The following ERCC4 variants were observed in gnomAD, a reference collection of about 807,000 sequenced individuals.
The protein encoded by ERCC4 is DNA repair endonuclease XPF.
ERCC4 carries 65 observed loss-of-function variants against 76.9 expected under a neutral mutation model. That is an observed-to-expected ratio of 0.84 (90% CI 0.69 to 1.04). The LOEUF is 1.04. ERCC4 is among the 50% of genes least tolerant of loss of function. The pLI is 0.00. For synonymous variants in ERCC4, 463 were observed against 410.1 expected (o/e 1.13, Z -1.56); for missense variants, 1,214 against 1,128.2 (o/e 1.08, Z -1.09).
In ERCC4 at chr16:13,948,059, A is replaced by G. The variant is rs2020953; in HGVS notation, c.2463A>G (p.Pro821=). 1.2e-3 allele frequency: 1,996 copies of G among 1,614,184 alleles called. 29 individuals carry two copies. The African/African-American group carries it at 0.022, about 18-fold the overall frequency. ...ELFEELKQSK[P]QPDAATALAI... ...TTGAGGAGCTGAAACAAAGCAAGCC[A>G]CAGCCTGATGCGGCGACAGCACTGG... The change falls in exon 11 of 11, where the codon CCA becomes CCG. Residue 821 remains proline, a synonymous_variant. Transcript: ENST00000311895.
rs2032620313 is a variant in ERCC4, at chr16:13,951,040, A to G, written c.*2693A>G. ...ATTTCTAATGAATTCTAAAATGGTC[A>G]TTGTAAGTGAAAGCCTCTCGCTACC... On this transcript the variant is annotated 3_prime_UTR_variant, in exon 11 of 11. Transcript: ENST00000311895. The G allele has an allele frequency of 5.3e-6, 1 of 188,662 alleles. No individual in the cohort carries two copies. Among genetic ancestry groups the G allele is most frequent in the Non-Finnish European group, 1.1e-5 (1 of 89,666 alleles). The allele number at this position is 188,662 out of a possible 1,614,324, so 11.7% of individuals were successfully genotyped here.
At chr16:13,923,175 C>G (rs972787704) in intron 2 of ERCC4, among the ~76,000 whole-genome samples, 7 of 152,152 alleles carry the variant, frequency 4.6e-5, no homozygotes, top group Non-Finnish European at 1.0e-4. Context: ...AGGGGCTGTG[C>G]CTCTGTGCCC....
intron 1 of ERCC4, among the ~76,000 whole-genome samples, chr16:13,921,149 G>A (rs1232412109): frequency 1.4e-5 from 2 of 143,646 alleles, no homozygotes; most frequent in Admixed American, 6.8e-5. Context: ...AGACATGAAA[G>A]GAGATGCTGA....
intron 4 of ERCC4, among the ~76,000 whole-genome samples, chr16:13,930,241 G>C (rs2032147414): frequency 6.6e-6 from 1 of 152,036 alleles, no homozygotes; most frequent in Non-Finnish European, 1.5e-5. Flanking sequence ...CATCGTGCTT[G>C]TGTATGCCCT....
intron 9 of ERCC4, among the ~76,000 whole-genome samples, chr16:13,940,698 G>A (rs538991104): frequency 6.6e-6 from 1 of 152,276 alleles, no homozygotes; most frequent in Admixed American, 6.5e-5. Flanking sequence ...AAATCACATC[G>A]TCAGCATAAA....
At chr16:13,924,760 A>G (rs147223436) in intron 2 of ERCC4, among the ~76,000 whole-genome samples, 158 of 152,342 alleles carry the variant, frequency 1.0e-3, no homozygotes, top group African/African-American at 3.5e-3. Flanking sequence ...ACTTGGTAGC[A>G]TGGCACATAG....
chr16:13,922,233 A>G (rs1380397272), intron 2 of ERCC4, 22 bp downstream of exon 2: 2 of 1,468,864 alleles, frequency 1.4e-6, no homozygotes, highest in Middle Eastern at 1.7e-4. Context: ...AAATCTTATT[A>G]TTAGTATGTA....
chr16:13,926,370 A>G (rs1040381834), intron 2 of ERCC4, among the ~76,000 whole-genome samples, 191 bp from the exon 3 acceptor site: 7 of 151,848 alleles, frequency 4.6e-5, no homozygotes, highest in Non-Finnish European at 7.4e-5. Context: ...AGCATCCTAA[A>G]TATTTTACGT....
intron 9 of ERCC4, among the ~76,000 whole-genome samples, chr16:13,940,468 G>A (rs1232035811): frequency 6.6e-6 from 1 of 152,176 alleles, no homozygotes; most frequent in Non-Finnish European, 1.5e-5. Context: ...CCAGGCCTAA[G>A]CTTCCAGGTG....
At chr16:13,924,150 C>G (rs1009198916) in intron 2 of ERCC4, among the ~76,000 whole-genome samples, 6 of 152,294 alleles carry the variant, frequency 3.9e-5, no homozygotes, top group Non-Finnish European at 8.8e-5. Context: ...GATCATCCCC[C>G]AGGACTGACC....
At chr16:13,939,243 A>C (rs545206862) in intron 9 of ERCC4, among the ~76,000 whole-genome samples, 1 of 152,300 alleles carries the variant, frequency 6.6e-6, no homozygotes, top group Admixed American at 6.5e-5. Context: ...TCAAAGAGTA[A>C]ACAGGTATTT....
chr16:13,922,054 G>T lies in ERCC4; in HGVS notation c.231G>T (p.Lys77Asn). The change falls in exon 2 of 11, where the codon AAG becomes AAT. Residue 77 changes from lysine (K) to asparagine (N), a missense_variant. By Grantham distance (94) the Lys-to-Asn change is moderately conservative. Coordinates refer to ENST00000311895, the MANE Select transcript of ERCC4 (RefSeq NM_005236.3). ...AEEEYFINQL[K>N]IEGVEHLPRR... is the part of the protein sequence containing the mutation. ...AGGAGTATTTTATCAATCAGCTGAA[G>T]ATAGAAGGAGTTGAACACCTCCCTC... The T allele has an allele frequency of 6.2e-7, 1 of 1,613,782 alleles. No individual in the cohort carries two copies. The highest frequency in any genetic ancestry group is 8.5e-7 in the Non-Finnish European group (1 of 1,179,758).
intron 5 of ERCC4, chr16:13,931,692 C>T: frequency 6.2e-6 from 1 of 160,756 alleles, no homozygotes; most frequent in Non-Finnish European, 1.4e-5. Flanking sequence ...TATATAACTG[C>T]AAAAGTCAGA....
chr16:13,923,827 T>A (rs1367404164), intron 2 of ERCC4, among the ~76,000 whole-genome samples: 2 of 152,254 alleles, frequency 1.3e-5, no homozygotes, highest in Admixed American at 1.3e-4. Context: ...TGCTTTCTTA[T>A]AAGCTTGGTT....
In ERCC4 at chr16:13,952,291, CA is replaced by C. The variant is rs1471231999; in HGVS notation, c.*3945del. 2.3e-5 allele frequency: 4 copies of C among 175,976 alleles called. No homozygotes were observed. Among genetic ancestry groups the C allele is most frequent in the East Asian group, 1.8e-4 (2 of 11,204 alleles). The allele number at this position is 175,976 out of a possible 1,614,324, so 10.9% of individuals were successfully genotyped here. On this transcript the variant is annotated 3_prime_UTR_variant, in exon 11 of 11. Transcript: ENST00000311895. ...ATAATTCAAAATCCTGAAAATGTTTCATTTTTTTTGTTTTTGTTATGCAGAA... is the reference window on the plus strand; with the variant it reads ...ATAATTCAAAATCCTGAAAATGTTTCTTTTTTTTGTTTTTGTTATGCAGAA...
In ERCC4 at chr16:13,949,832, C is replaced by T. The variant is rs2032597505; in HGVS notation, c.*1485C>T. Reference sequence around the variant, plus strand: ...CTACCTCAGGAGCTGATATAGACATCAGTTCTGCTAGCCATATCACATATT... The same window carrying T: ...CTACCTCAGGAGCTGATATAGACATTAGTTCTGCTAGCCATATCACATATT... On this transcript the variant is annotated 3_prime_UTR_variant, in exon 11 of 11. Coordinates refer to ENST00000311895, the MANE Select transcript of ERCC4 (RefSeq NM_005236.3). 4.3e-6 allele frequency: 1 copy of T among 232,410 alleles called. No homozygotes were observed. Among genetic ancestry groups the T allele is most frequent in the South Asian group, 1.8e-4 (1 of 5,518 alleles). 14.4% of individuals were successfully genotyped at this position (232,410 alleles called of 1,614,324 possible).
intron 9 of ERCC4, among the ~76,000 whole-genome samples, chr16:13,939,823 T>C (rs1172936526): frequency 6.6e-6 from 1 of 152,070 alleles, no homozygotes; most frequent in Non-Finnish European, 1.5e-5. Context: ...ATTTGGGAGA[T>C]AGAATCAAAG....
intron 9 of ERCC4, among the ~76,000 whole-genome samples, chr16:13,939,353 A>T (rs1199523664): frequency 1.3e-5 from 2 of 152,176 alleles, no homozygotes; most frequent in Non-Finnish European, 2.9e-5. Context: ...CTTACCCTTT[A>T]GTGGAAAAGA....
chr16:13,952,126 A>G lies in ERCC4; in HGVS notation c.*3779A>G, dbSNP rs1046229768. On this transcript the variant is annotated 3_prime_UTR_variant, in exon 11 of 11. Transcript: ENST00000311895. ...CAAAATTTGGATGGGAGTGAGACAT[A>G]ACTGATTTATATGAATTTTAACAGA... 2 of 191,164 alleles carry G rather than the reference A, an allele frequency of 1.0e-5. No homozygotes were observed. The highest frequency in any genetic ancestry group is 4.7e-5 in the African/African-American group (2 of 42,956). The allele number at this position is 191,164 out of a possible 1,614,324, so 11.8% of individuals were successfully genotyped here.
Sources: allele counts gnomAD v4.1 joint callset (sites outside exome capture counted in the v4.1 genomes callset), GRCh38; gene constraint gnomAD v4.1.1; transcripts MANE v1.5; gene names NCBI Gene and HGNC (gene_info 2026-07-23, HGNC 2026-07-21).